BCL7A: variants seen among roughly 807,000 people sequenced by gnomAD.
BCL7A encodes BAF chromatin remodeling complex subunit BCL7A, also known as B-cell CLL/lymphoma 7 protein family member A.
In BCL7A, 11 loss-of-function variants were observed where a neutral mutation model predicts 28.4. The ratio of observed to expected loss-of-function variants is 0.39; its 90% confidence interval spans 0.24 to 0.64. BCL7A has a LOEUF of 0.64. Among genes scored for constraint, BCL7A ranks in the 30% least tolerant of loss-of-function variants. BCL7A has a pLI of 0.50. For missense variants in BCL7A, 222 were observed against 274.8 expected (o/e 0.81, Z 1.36); for synonymous variants, 123 against 103.3 (o/e 1.19, Z -1.15).
At chr12:122,057,979 C>T (rs751399494) in intron 5 of BCL7A, among the ~76,000 whole-genome samples, 13 of 151,740 alleles carry the variant, frequency 8.6e-5, no homozygotes, top group Non-Finnish European at 1.5e-4. Context: ...CCCTTGAGCC[C>T]GGGAGTTCAA....
chr12:122,022,548 A>C (rs2135833300), intron 1 of BCL7A, among the ~76,000 whole-genome samples: 1 of 142,710 alleles, frequency 7.0e-6, no homozygotes, highest in South Asian at 2.2e-4. Flanking sequence ...TGTGCAAGTC[A>C]CATGAAAGCG....
chr12:122,044,170 A>G, intron 4 of BCL7A, 117 bp downstream of exon 4: 1 of 1,235,868 alleles, frequency 8.1e-7, no homozygotes, highest in Non-Finnish European at 1.1e-6. Flanking sequence ...AGGAGACAGT[A>G]AAGAGAGGTG....
chr12:122,037,582 C>T (rs1190844762), intron 3 of BCL7A, among the ~76,000 whole-genome samples: 1 of 152,156 alleles, frequency 6.6e-6, no homozygotes, highest in African/African-American at 2.4e-5. Flanking sequence ...CTTTGGGAGG[C>T]TGAGGCAGGC....
At chr12:122,048,503 C>T (rs1429974800) in intron 4 of BCL7A, among the ~76,000 whole-genome samples, 6 of 152,116 alleles carry the variant, frequency 3.9e-5, no homozygotes, top group Non-Finnish European at 8.8e-5. Context: ...GTAATCCTAG[C>T]ACTTTGGGAG....
At chr12:122,048,345 A>T (rs1669090296) in intron 4 of BCL7A, among the ~76,000 whole-genome samples, 1 of 152,040 alleles carries the variant, frequency 6.6e-6, no homozygotes, top group South Asian at 2.1e-4. Flanking sequence ...CTGGCCCCTC[A>T]TGGGGCTTTT....
chr12:122,028,032 C>G (rs926827527), intron 1 of BCL7A, among the ~76,000 whole-genome samples: 4 of 152,124 alleles, frequency 2.6e-5, no homozygotes, highest in Admixed American at 2.0e-4. Context: ...TGTGAAATCC[C>G]ATGTCCTCCT....
chr12:122,052,830 G>T (rs1311845426), intron 4 of BCL7A, among the ~76,000 whole-genome samples: 1 of 131,480 alleles, frequency 7.6e-6, no homozygotes, highest in Non-Finnish European at 1.6e-5. Context: ...TTACAGGCGC[G>T]CGACACCACG....
At chr12:122,025,563 C>T (rs1883607243) in intron 1 of BCL7A, among the ~76,000 whole-genome samples, 1 of 151,144 alleles carries the variant, frequency 6.6e-6, no homozygotes, top group Admixed American at 6.6e-5. Context: ...GGAGGTGGAG[C>T]TTGCAGTGAG....
intron 3 of BCL7A, among the ~76,000 whole-genome samples, chr12:122,037,820 G>C (rs890504371): frequency 6.6e-6 from 1 of 151,938 alleles, no homozygotes; most frequent in Non-Finnish European, 1.5e-5. Flanking sequence ...GTGGGGGCGC[G>C]TGCCTGTAAT....
intron 3 of BCL7A, among the ~76,000 whole-genome samples, chr12:122,035,965 C>T (rs1883843188): frequency 6.6e-6 from 1 of 151,970 alleles, no homozygotes; most frequent in African/African-American, 2.4e-5. Flanking sequence ...CTCAGCCTCC[C>T]AAGCAGCTGG....
rs576991093 is a variant in BCL7A at position 122,028,898 on chromosome 12, C to T, written c.93-1802C>T. Among the ~76,000 whole-genome samples the T allele has an allele frequency of 2.0e-3, 297 of 152,268 alleles. 2 individuals are homozygous for T. The highest frequency in any genetic ancestry group is 3.1e-3 in the Non-Finnish European group (214 of 68,024). The stretch of plus-strand genomic sequence containing the variant: ...CCAGGAGCACTCGGTCTCTTCTGGA[C>T]ACCTTCTGATTGCTCAGAATTGAGG... On this transcript the variant is annotated intron_variant, in intron 1 of 5. Transcript: ENST00000261822.
Position 122,021,914 on chromosome 12 carries a change from CTT to C in BCL7A, c.-176_-175del, listed in dbSNP as rs1397436070. On this transcript the variant is annotated 5_prime_UTR_variant, in exon 1 of 6. Coordinates refer to ENST00000261822, the MANE Select transcript of BCL7A (RefSeq NM_001024808.3). ...GGGCCAGGCGCGCGGCGGCCCCGGG[CTT>C]TGTGTGTGTGTGTATGTGTGTGTGT... The C allele has an allele frequency of 1.4e-4, 48 of 353,614 alleles. No individual in the cohort carries two copies. The highest frequency in any genetic ancestry group is 7.3e-4 in the Middle Eastern group (1 of 1,372). 21.9% of individuals were successfully genotyped at this position (353,614 alleles called of 1,614,324 possible).
chr12:122,031,707 G>A (rs375161373), intron 2 of BCL7A, among the ~76,000 whole-genome samples: 128 of 152,220 alleles, frequency 8.4e-4, no homozygotes, highest in African/African-American at 3.0e-3. Context: ...AGGGGTCCCC[G>A]GTGCTAGGAA....
chr12:122,021,915 T>G lies in BCL7A; in HGVS notation c.-177T>G. 2 of 321,184 alleles carry G rather than the reference T, an allele frequency of 6.2e-6. No homozygotes were observed. The highest frequency in any genetic ancestry group is 5.3e-6 in the Non-Finnish European group (1 of 187,950). The allele number at this position is 321,184 out of a possible 1,614,324, so 19.9% of individuals were successfully genotyped here. A position where few individuals can be genotyped will look rare whatever the true frequency, so the allele number is the denominator to read the frequency against. ...GGCCAGGCGCGCGGCGGCCCCGGGC[T>G]TTGTGTGTGTGTGTATGTGTGTGTG... On this transcript the variant is annotated 5_prime_UTR_variant, in exon 1 of 6. Coordinates refer to ENST00000261822, the MANE Select transcript of BCL7A (RefSeq NM_001024808.3).
At chr12:122,051,640 G>A (rs1214542707) in intron 4 of BCL7A, among the ~76,000 whole-genome samples, 4 of 152,038 alleles carry the variant, frequency 2.6e-5, no homozygotes, top group Non-Finnish European at 4.4e-5. Flanking sequence ...ACGGGTCAGC[G>A]TGAGTCTCTG....
chr12:122,044,383 C>T lies in BCL7A; in HGVS notation c.439+330C>T, dbSNP rs536362153. 5 of 234,296 alleles carry T rather than the reference C, an allele frequency of 2.1e-5. No homozygotes were observed. In the South Asian group the frequency reaches 3.3e-4, roughly 15 times the overall value. 14.5% of individuals were successfully genotyped at this position (234,296 alleles called of 1,614,324 possible). ...AATAGCCAAGTGTGGTGGCACACAC[C>T]TGTGATCCAGCTACTCAGGAGGCCG... On this transcript the variant is annotated intron_variant, in intron 4 of 5. Transcript: ENST00000261822.
intron 4 of BCL7A, 98 bp downstream of exon 4, chr12:122,044,151 G>C (rs768165057): frequency 3.9e-5 from 54 of 1,380,986 alleles, no homozygotes; most frequent in Non-Finnish European, 5.2e-5. Flanking sequence ...TCATGTGCCA[G>C]CCCCAGCAAG....
In BCL7A at chr12:122,047,797, A is replaced by T. The variant is rs191131131; in HGVS notation, c.439+3744A>T. 3.9e-3 allele frequency among the ~76,000 whole-genome samples: 589 copies of T among 151,536 alleles called. 2 individuals carry two copies. The highest frequency in any genetic ancestry group is 6.4e-3 in the Non-Finnish European group (433 of 67,918). ...CACTTTGGCCTCCCAAAGTGCTGAG[A>T]TTACAGATGTGAACCACCACACCCA... On this transcript the variant is annotated intron_variant, in intron 4 of 5. Coordinates refer to ENST00000261822, the MANE Select transcript of BCL7A (RefSeq NM_001024808.3).
At chr12:122,039,638 G>T (rs1487814059) in intron 3 of BCL7A, among the ~76,000 whole-genome samples, 2 of 150,822 alleles carry the variant, frequency 1.3e-5, no homozygotes, top group Non-Finnish European at 2.9e-5. Context: ...AGGATCATTT[G>T]AAGTCAGGAG....
Sources: allele counts gnomAD v4.1 joint callset (sites outside exome capture counted in the v4.1 genomes callset), GRCh38; gene constraint gnomAD v4.1.1; transcripts MANE v1.5; gene names NCBI Gene and HGNC (gene_info 2026-07-23, HGNC 2026-07-21).